The following ZIM2 variants were observed in gnomAD, a reference collection of about 807,000 sequenced individuals.
ZIM2 encodes the protein zinc finger imprinted 2.
In ZIM2, 14 loss-of-function variants were observed where a neutral mutation model predicts 38.6. That is an observed-to-expected ratio of 0.36 (90% CI 0.24 to 0.57). ZIM2 has a LOEUF of 0.57. Ranked by LOEUF, ZIM2 falls within the 20% of genes least tolerant of loss-of-function variation. ZIM2 has a pLI of 0.81. For missense variants in ZIM2, 680 were observed against 695.1 expected, an observed-to-expected ratio of 0.98 and a Z score of 0.24; for synonymous variants, 247 against 245.8, an observed-to-expected ratio of 1.00 and a Z score of -0.04.
intron 4 of ZIM2, 138 bp from the exon 5 acceptor site, chr19:56,823,817 A>C (rs1601074700): frequency 9.8e-7 from 1 of 1,024,672 alleles, no homozygotes. Context: ...TGAGTTCAAA[A>C]CCCTTCAGCG....
intron 7 of ZIM2, among the ~76,000 whole-genome samples, chr19:56,821,035 C>T (rs972347962): frequency 6.6e-6 from 1 of 152,216 alleles, no homozygotes; most frequent in South Asian, 2.1e-4. Context: ...TGAATCTCCC[C>T]GGCACATGCT....
At chr19:56,835,994 C>G (rs1273111026) in intron 2 of ZIM2, 24 bp downstream of exon 2, 2 of 508,548 alleles carry the variant, frequency 3.9e-6, no homozygotes, top group African/African-American at 3.9e-5. Context: ...GAATGTGGCA[C>G]TGTGAGGAGG....
At chr19:56,776,870 T>C (rs2046039334) in intron 12 of ZIM2, among the ~76,000 whole-genome samples, 1 of 152,112 alleles carries the variant, frequency 6.6e-6, no homozygotes, top group Admixed American at 6.5e-5. Context: ...AGTTAAGCTA[T>C]AGAACTGTGA....
chr19:56,806,293 A>C (rs892423995), intron 9 of ZIM2, among the ~76,000 whole-genome samples: 3 of 152,234 alleles, frequency 2.0e-5, no homozygotes, highest in African/African-American at 7.2e-5. Context: ...CTGGATAGGT[A>C]GTCAAGAATC....
intron 9 of ZIM2, among the ~76,000 whole-genome samples, chr19:56,796,770 AG>A (rs746528614): frequency 6.6e-6 from 1 of 152,198 alleles, no homozygotes; most frequent in Non-Finnish European, 1.5e-5. Context: ...ACCCCAAAAG[AG>A]GGTTCTTGGA....
intron 9 of ZIM2, chr19:56,791,175 G>A (rs2046912393): frequency 6.6e-6 from 1 of 152,150 alleles, no homozygotes; most frequent in South Asian, 2.1e-4. Flanking sequence ...GTAACACGGT[G>A]ATTAAGAGTA....
Position 56,814,341 on chromosome 19 carries a change from T to C in ZIM2, c.490+3405A>G, listed in dbSNP as rs781142818. Reference sequence around the variant, plus strand: ...CTTCAACTTCCTGGGCTGCTGCTGCTGCAGCTGCTGCTGCTTCATCTTCTT... The same window carrying C: ...CTTCAACTTCCTGGGCTGCTGCTGCCGCAGCTGCTGCTGCTTCATCTTCTT... On this transcript the variant is annotated intron_variant, in intron 9 of 12. Transcript: ENST00000629319. The surrounding 1 kb of genome is among the most constrained non-coding windows in gnomAD (Gnocchi z 5.8). 1 of 1,612,186 alleles carries C rather than the reference T, an allele frequency of 6.2e-7. No individual in the cohort carries two copies. Among genetic ancestry groups the C allele is most frequent in the East Asian group, 2.2e-5 (1 of 44,854 alleles).
chr19:56,789,481 A>G (rs1470930665), intron 10 of ZIM2, among the ~76,000 whole-genome samples: 1 of 152,190 alleles, frequency 6.6e-6, no homozygotes, highest in Non-Finnish European at 1.5e-5. Flanking sequence ...ACTCCCTCAT[A>G]TATAAAAAGG....
At chr19:56,795,463 T>C (rs8110870) in intron 9 of ZIM2, among the ~76,000 whole-genome samples, 2,766 of 152,290 alleles carry the variant, frequency 0.018, 98 homozygotes, top group African/African-American at 0.063. Flanking sequence ...CCAGCGAACT[T>C]ACCTCGCACG....
rs1474427222 is a variant in ZIM2, at chr19:56,789,913, T to G, written c.529A>C (p.Asn177His). 1.3e-6 allele frequency: 2 copies of G among 1,582,858 alleles called. No individual in the cohort carries two copies. The highest frequency in any genetic ancestry group is 2.7e-5 in the African/African-American group (2 of 74,716). The change falls in exon 10 of 13, where the codon AAC (asparagine) becomes CAC (histidine). Residue 177 changes from asparagine to histidine, a missense_variant. Physicochemically the swap from Asn to His is moderately conservative, Grantham distance 68. Coordinates refer to ENST00000629319, the MANE Select transcript of ZIM2 (RefSeq NM_001387356.1). ...GGCAGATTGTCTAACATCTCTGTGT[T>G]CCTCTTTTCTGCAGGGACAGAGTCC... ...AQDSVPAEKR[N>H]TEMLDNLPSA...
At chr19:56,817,117 G>T in intron 9 of ZIM2, 1 of 1,614,096 alleles carries the variant, frequency 6.2e-7, no homozygotes, top group South Asian at 1.1e-5. Flanking sequence ...AATTGGCTGT[G>T]ACTCGGTAAA....
chr19:56,802,131 A>T (rs2047555427), intron 9 of ZIM2, among the ~76,000 whole-genome samples: 1 of 152,240 alleles, frequency 6.6e-6, no homozygotes, highest in Admixed American at 6.5e-5. Flanking sequence ...TCACAGAGGC[A>T]GATGGTCCAA....
intron 9 of ZIM2, among the ~76,000 whole-genome samples, chr19:56,796,950 C>T (rs1025842777): frequency 2.6e-5 from 4 of 152,172 alleles, no homozygotes; most frequent in Non-Finnish European, 5.9e-5. Flanking sequence ...CTAAACTAAG[C>T]TGTGACTACG....
rs1309405878 is a variant in ZIM2, at chr19:56,814,047, A to G, written c.490+3699T>C. On this transcript the variant is annotated intron_variant, in intron 9 of 12. Transcript: ENST00000629319. This position sits in a 1 kb window ranked among gnomAD's most constrained non-coding sequence, Gnocchi z 5.8. ...CTTCAGCTTTTCCCTCTGGCTCTTC[A>G]GCTCTTTCTTCTGGGTCTTCAATAC... The G allele has an allele frequency of 1.9e-6, 3 of 1,613,812 alleles. No individual in the cohort carries two copies. The highest frequency in any genetic ancestry group is 2.7e-5 in the African/African-American group (2 of 74,818).
intron 3 of ZIM2, among the ~76,000 whole-genome samples, 182 bp downstream of exon 3, chr19:56,826,206 A>T (rs573827637): frequency 6.6e-6 from 1 of 152,330 alleles, no homozygotes; most frequent in East Asian, 1.9e-4. Flanking sequence ...GTGACATTTC[A>T]GACATGGTCA....
rs760221157 is a variant in ZIM2, at chr19:56,814,002, G to A, written c.490+3744C>T. ...CTTCAATTCCCACACCGTCAGGCTC[G>A]TCGGCATCTCCCTCTGGCTCTTCAG... On this transcript the variant is annotated intron_variant, in intron 9 of 12. Coordinates refer to ENST00000629319, the MANE Select transcript of ZIM2 (RefSeq NM_001387356.1). This position sits in a 1 kb window ranked among gnomAD's most constrained non-coding sequence, Gnocchi z 5.8. 3.4e-5 allele frequency: 55 copies of A among 1,613,882 alleles called. No homozygotes were observed. The highest frequency in any genetic ancestry group is 1.2e-4 in the Admixed American group (7 of 59,998).
chr19:56,781,763 G>A (rs1338094605), intron 11 of ZIM2, among the ~76,000 whole-genome samples, 190 bp downstream of exon 11: 2 of 152,236 alleles, frequency 1.3e-5, no homozygotes, highest in East Asian at 1.9e-4. Context: ...CACATATGTC[G>A]TGCTCAAGAA....
At chr19:56,797,615 G>A (rs1216025820) in intron 9 of ZIM2, among the ~76,000 whole-genome samples, 2 of 152,010 alleles carry the variant, frequency 1.3e-5, no homozygotes, top group African/African-American at 4.8e-5. Context: ...CGTCTTAAAA[G>A]TACCTCTTTC....
intron 9 of ZIM2, among the ~76,000 whole-genome samples, chr19:56,805,576 C>G (rs2047719882): frequency 1.3e-5 from 2 of 152,138 alleles, no homozygotes; most frequent in African/African-American, 2.4e-5. Flanking sequence ...CTGGGTGGAT[C>G]AAAACTAGCA....
Sources: gnomAD v4.1 joint callset for allele counts (sites outside exome capture counted in the v4.1 genomes callset) on GRCh38, gnomAD v4.1.1 for gene constraint, Gnocchi (gnomAD v3.1) non-coding constraint, MANE v1.5 for transcripts, NCBI Gene and HGNC (gene_info 2026-07-23, HGNC 2026-07-21) for gene names.